The following RNF111 variants were observed in gnomAD, a reference collection of about 807,000 sequenced individuals.
RNF111 encodes the protein ring finger protein 111.
Under a neutral mutation model 95.1 loss-of-function variants are expected in RNF111, and 17 were observed. That is an observed-to-expected ratio of 0.18 (90% CI 0.12 to 0.27). RNF111 has a LOEUF of 0.27. Among genes scored for constraint, RNF111 ranks in the 10% least tolerant of loss-of-function variants. The pLI is 1.00. For missense variants in RNF111, 1,189 were observed against 1,210.4 expected, an observed-to-expected ratio of 0.98 and a Z score of 0.26; for synonymous variants, 440 against 414.8, an observed-to-expected ratio of 1.06 and a Z score of -0.74.
intron 6 of RNF111, 58 bp downstream of exon 6, chr15:59,067,141 CCTT>C (rs2042693446): frequency 1.5e-6 from 2 of 1,350,294 alleles, no homozygotes; most frequent in Admixed American, 1.8e-5. Context: ...CTCTCTCTCT[CCTT>C]CTCCCTTTTC....
At chr15:59,083,474 G>A (rs1481695776) in intron 8 of RNF111, among the ~76,000 whole-genome samples, 1 of 151,558 alleles carries the variant, frequency 6.6e-6, no homozygotes, top group African/African-American at 2.4e-5. Context: ...GGAGGCAGAG[G>A]TTGCAGTGAG....
At chr15:59,071,720 G>A (rs1012004260) in intron 6 of RNF111, among the ~76,000 whole-genome samples, 5 of 151,942 alleles carry the variant, frequency 3.3e-5, no homozygotes, top group Admixed American at 2.0e-4. Flanking sequence ...GTTTTTGGAG[G>A]AAAATATTAC....
At chr15:59,024,474 T>C (rs1356000593) in intron 1 of RNF111, among the ~76,000 whole-genome samples, 1 of 128,588 alleles carries the variant, frequency 7.8e-6, no homozygotes, top group Non-Finnish European at 1.7e-5. Context: ...GCAAGTACTT[T>C]AAGAAAGACA....
At chr15:59,016,723 C>A (rs1382561608) in intron 1 of RNF111, among the ~76,000 whole-genome samples, 1 of 152,148 alleles carries the variant, frequency 6.6e-6, no homozygotes, top group South Asian at 2.1e-4. Flanking sequence ...TTCCCCAACC[C>A]CTGGGCCACG....
At chr15:59,092,461 A>G in intron 12 of RNF111, 76 bp from the exon 13 acceptor site, 2 of 1,458,134 alleles carry the variant, frequency 1.4e-6, no homozygotes, top group East Asian at 2.6e-5. Flanking sequence ...TTGTTTTTCA[A>G]ATAAACACAG....
At chr15:59,052,656 T>A (rs1452806985) in intron 3 of RNF111, among the ~76,000 whole-genome samples, 1 of 149,658 alleles carries the variant, frequency 6.7e-6, no homozygotes, top group Non-Finnish European at 1.5e-5. Context: ...CAAGTGATTC[T>A]CCTGTCTCAT....
At chr15:59,027,092 GCTGCATGT>G (rs1473094979) in intron 1 of RNF111, among the ~76,000 whole-genome samples, 1 of 152,196 alleles carries the variant, frequency 6.6e-6, no homozygotes, top group South Asian at 2.1e-4. Flanking sequence ...TTAATGTATG[GCTGCATGT>G]TCTCAGAATT....
At chr15:59,004,395 A>G (rs1351040686) in intron 1 of RNF111, among the ~76,000 whole-genome samples, 1 of 152,190 alleles carries the variant, frequency 6.6e-6, no homozygotes, top group Non-Finnish European at 1.5e-5. Context: ...ACAAGAATTC[A>G]CATTAGGATT....
At chr15:59,083,742 C>A (rs2078817099) in intron 8 of RNF111, among the ~76,000 whole-genome samples, 1 of 152,022 alleles carries the variant, frequency 6.6e-6, no homozygotes, top group Non-Finnish European at 1.5e-5. Flanking sequence ...TGTTTATATA[C>A]AATAATTTAT....
At chr15:59,052,556 A>G in intron 3 of RNF111, 125 bp downstream of exon 3, 1 of 531,192 alleles carries the variant, frequency 1.9e-6, no homozygotes, top group Admixed American at 4.2e-5. Flanking sequence ...GTATGCATAT[A>G]TCAGATTAGT....
intron 1 of RNF111, among the ~76,000 whole-genome samples, chr15:59,010,486 T>A (rs2039748765): frequency 1.3e-5 from 2 of 151,950 alleles, no homozygotes; most frequent in Admixed American, 6.6e-5. Flanking sequence ...ACTCCAACCA[T>A]TGCCTCCTAG....
intron 1 of RNF111, among the ~76,000 whole-genome samples, chr15:58,997,612 A>T (rs753721452): frequency 6.6e-6 from 1 of 151,536 alleles, no homozygotes; most frequent in African/African-American, 2.4e-5. Flanking sequence ...AGGTCAAGAG[A>T]TCGAGACCAT....
intron 8 of RNF111, among the ~76,000 whole-genome samples, chr15:59,082,618 A>G (rs1269209073): frequency 1.3e-5 from 2 of 152,214 alleles, no homozygotes; most frequent in African/African-American, 4.8e-5. Context: ...TCAGTTACAA[A>G]CAAACTGAAA....
intron 1 of RNF111, 71 bp downstream of exon 1, chr15:58,988,139 G>C (rs1056541330): frequency 6.6e-6 from 1 of 152,522 alleles, no homozygotes; most frequent in Non-Finnish European, 1.5e-5. Flanking sequence ...GGGCCGGCCT[G>C]GAGGGGAGAA....
chr15:58,999,938 T>G (rs1174087461), intron 1 of RNF111, among the ~76,000 whole-genome samples: 3 of 152,028 alleles, frequency 2.0e-5, no homozygotes, highest in African/African-American at 7.2e-5. Context: ...CCACATCTCA[T>G]GAGAACTCCA....
At chr15:59,003,027 C>T (rs1567202416) in intron 1 of RNF111, among the ~76,000 whole-genome samples, 3 of 152,138 alleles carry the variant, frequency 2.0e-5, no homozygotes, top group Admixed American at 6.5e-5. Context: ...GTTGCCAGCG[C>T]GGGATTGCAG....
In RNF111 at chr15:59,031,004, GGAAT is replaced by G. The variant is rs1424903957; in HGVS notation, c.187_190del (p.Glu63SerfsTer15). 1.2e-6 allele frequency: 2 copies of G among 1,614,006 alleles called. No individual in the cohort carries two copies. Among genetic ancestry groups the G allele is most frequent in the Non-Finnish European group, 1.7e-6 (2 of 1,180,030 alleles). On this transcript the variant is annotated frameshift_variant, in exon 2 of 14. Transcript: ENST00000348370. LOFTEE classifies it high-confidence loss of function. ...GTTGAGATGATTAATAGTAAAGTGG[GGAAT>G]GAATTCTCTCACCTGTGTGATGATT... is the stretch of plus-strand genomic sequence containing the variant.
chr15:59,074,573 T>C (rs1482403674), intron 6 of RNF111, among the ~76,000 whole-genome samples: 1 of 152,226 alleles, frequency 6.6e-6, no homozygotes, highest in Non-Finnish European at 1.5e-5. Flanking sequence ...TCAGCCTTCA[T>C]AGAATTGAAG....
chr15:59,038,048 T>C (rs1218842365), intron 2 of RNF111, among the ~76,000 whole-genome samples: 1 of 152,202 alleles, frequency 6.6e-6, no homozygotes, highest in Non-Finnish European at 1.5e-5. Context: ...ATATAAGATA[T>C]TGAAAAAATG....
Sources: gnomAD v4.1 joint callset for allele counts (sites outside exome capture counted in the v4.1 genomes callset) on GRCh38, gnomAD v4.1.1 for gene constraint, MANE v1.5 for transcripts, NCBI Gene and HGNC (gene_info 2026-07-23, HGNC 2026-07-21) for gene names.